The following PALD1 variants were observed in gnomAD, a reference collection of about 807,000 sequenced individuals.
The protein encoded by PALD1 is phosphatase domain containing paladin 1.
Under a neutral mutation model 96.0 loss-of-function variants are expected in PALD1, and 57 were observed. The ratio of observed to expected loss-of-function variants is 0.59; its 90% CI spans 0.48 to 0.74. The LOEUF is 0.74. Ranked by LOEUF, PALD1 falls within the 30% of genes least tolerant of loss-of-function variation. The pLI, the probability that PALD1 is intolerant of heterozygous loss-of-function variation, is 0.00. For missense variants in PALD1, 1,063 were observed against 1,143.7 expected, an observed-to-expected ratio of 0.93 and a Z score of 1.02; for synonymous variants, 464 against 473.6, an observed-to-expected ratio of 0.98 and a Z score of 0.26.
At chr10:70,512,237 T>C (rs1846529709) in intron 1 of PALD1, among the ~76,000 whole-genome samples, 1 of 152,220 alleles carries the variant, frequency 6.6e-6, no homozygotes, top group South Asian at 2.1e-4. Flanking sequence ...CAGTCTTGGC[T>C]CTGGGCAGCT....
the PALD1 span, among the ~76,000 whole-genome samples, chr10:70,461,464 T>A: frequency 6.6e-6 from 1 of 152,350 alleles, no homozygotes; most frequent in South Asian, 2.1e-4. Context: ...GCTCTGCCTC[T>A]CCCGTGCCTA....
chr10:70,508,817 GTGCAGGCCTGTGGGAGCTGCGGAACC>G (rs1249641532), intron 1 of PALD1, among the ~76,000 whole-genome samples: 29 of 121,610 alleles, frequency 2.4e-4, no homozygotes, highest in South Asian at 7.8e-4. Context: ...GTGTGTGTGT[GTGCAGGCCTGTGGGAGCTGCGGAACC>G]TGTGTGTGTG....
intron 1 of PALD1, chr10:70,485,236 C>T (rs1845999655): frequency 1.3e-5 from 2 of 150,936 alleles, no homozygotes; most frequent in African/African-American, 4.9e-5. Flanking sequence ...CTTTAAAATT[C>T]TTCCTAGAAA....
intron 2 of PALD1, among the ~76,000 whole-genome samples, chr10:70,527,359 G>A (rs1177673166): frequency 6.6e-6 from 1 of 152,184 alleles, no homozygotes; most frequent in Non-Finnish European, 1.5e-5. Context: ...GCACTTTTTG[G>A]GGGTGTAGAA....
intron 8 of PALD1, 150 bp from the exon 9 acceptor site, chr10:70,534,275 T>G: frequency 1.3e-6 from 1 of 750,096 alleles, no homozygotes; most frequent in East Asian, 2.7e-5. Flanking sequence ...GTTTCCCTAG[T>G]TGGGGAAATG....
chr10:70,462,526 T>G, the PALD1 span, among the ~76,000 whole-genome samples: 1 of 152,236 alleles, frequency 6.6e-6, no homozygotes, highest in African/African-American at 2.4e-5. Context: ...AAGTCCAGTC[T>G]CAGCTGGGGA....
At chr10:70,530,914 C>A (rs1165951290) in intron 4 of PALD1, among the ~76,000 whole-genome samples, 1 of 152,126 alleles carries the variant, frequency 6.6e-6, no homozygotes, top group Non-Finnish European at 1.5e-5. Flanking sequence ...ATCCAGGACA[C>A]CATGCTAGGA....
chr10:70,534,941 T>C (rs1052389004), intron 10 of PALD1, 98 bp downstream of exon 10: 7 of 821,574 alleles, frequency 8.5e-6, no homozygotes, highest in Non-Finnish European at 1.0e-5. Context: ...GACTGACTTT[T>C]TCTGGCTGCT....
intron 1 of PALD1, among the ~76,000 whole-genome samples, chr10:70,509,512 G>A (rs1207430257): frequency 6.6e-6 from 1 of 152,226 alleles, no homozygotes; most frequent in East Asian, 1.9e-4. Context: ...GACCCAGAGT[G>A]GGGAGGTGAG....
chr10:70,539,635 G>A lies in PALD1; in HGVS notation c.1781G>A (p.Gly594Asp), dbSNP rs373030834. 30 of 1,613,398 alleles carry A rather than the reference G, an allele frequency of 1.9e-5. No homozygotes were observed. In the African/African-American group the frequency reaches 3.7e-4, roughly 20 times the overall value. ...HLSEPPPGKE[G>D]PLTYRFQTCL... ...AGCGAGCCTCCCCCAGGCAAGGAGG[G>A]CCCCCTGACCTACAGGTTCCAGACC... is the stretch of plus-strand genomic sequence containing the variant. The change falls in exon 15 of 20, where the codon GGC (glycine) becomes GAC (aspartate). Residue 594 changes from glycine to aspartate, a missense_variant. Physicochemically the swap from Gly to Asp is moderately conservative, Grantham distance 94 (BLOSUM62 -1). Transcript: ENST00000263563. This position sits in a 1 kb window ranked among gnomAD's most constrained non-coding sequence, Gnocchi z 4.5.
intron 10 of PALD1, among the ~76,000 whole-genome samples, chr10:70,535,219 A>G (rs1051932326): frequency 2.0e-5 from 3 of 152,230 alleles, no homozygotes; most frequent in African/African-American, 7.2e-5. Context: ...TGCTTCTGAA[A>G]GACTTATGGG....
rs1292794990 is a variant in PALD1, at chr10:70,526,087, A to G, written c.136A>G (p.Ser46Gly). 2 of 1,614,066 alleles carry G rather than the reference A, an allele frequency of 1.2e-6. No individual in the cohort carries two copies. Among genetic ancestry groups the G allele is most frequent in the African/African-American group, 2.7e-5 (2 of 74,930 alleles). The change falls in exon 2 of 20, where the codon AGC (serine) becomes GGC (glycine). Residue 46 changes from serine to glycine, a missense_variant. Transcript: ENST00000263563. Reference protein sequence around the residue: ...HSFQSTSLHNSKAKSIIPNKV... With the variant: ...HSFQSTSLHNGKAKSIIPNKV... The stretch of plus-strand genomic sequence containing the variant: ...CTTCCAGAGCACTAGCTTGCATAAC[A>G]GCAAGGCCAAGTCCATCATCCCCAA...
At chr10:70,479,349 G>C (rs1845889023) in intron 1 of PALD1, among the ~76,000 whole-genome samples, 1 of 152,198 alleles carries the variant, frequency 6.6e-6, no homozygotes, top group African/African-American at 2.4e-5. Context: ...TTCATTGCCA[G>C]ACCTGGGAGC....
At chr10:70,550,791 T>C (rs907020941) in intron 18 of PALD1, among the ~76,000 whole-genome samples, 1 of 152,252 alleles carries the variant, frequency 6.6e-6, no homozygotes, top group Non-Finnish European at 1.5e-5. Context: ...TGTTGTAGCA[T>C]GTATTATTAC....
intron 1 of PALD1, among the ~76,000 whole-genome samples, chr10:70,491,481 T>C (rs983746366): frequency 6.6e-6 from 1 of 152,122 alleles, no homozygotes; most frequent in Non-Finnish European, 1.5e-5. Flanking sequence ...TCATTTGGCC[T>C]TCATGGAGAA....
chr10:70,531,296 G>A lies in PALD1; in HGVS notation c.475G>A (p.Val159Ile). Residue 159 changes from valine (V) to isoleucine (I), a missense_variant, in exon 5 of 20, where the codon GTC (valine) becomes ATC (isoleucine). Physicochemically the swap from Val to Ile is conservative, Grantham distance 29. Transcript: ENST00000263563. The stretch of plus-strand genomic sequence containing the variant: ...CCCCTCGGGCTCCTGGCAGGAGTGT[G>A]TCATCTTCTGTGTGCGGGAGGAACC... The part of the protein sequence containing the change: ...KLQKDGHREC[V>I]IFCVREEPVL... 1 of 1,612,338 alleles carries A rather than the reference G, an allele frequency of 6.2e-7. No individual in the cohort carries two copies. The highest frequency in any genetic ancestry group is 1.1e-5 in the South Asian group (1 of 91,014).
In PALD1 at chr10:70,539,727, A is replaced by G. The variant is rs1392524879; in HGVS notation, c.1873A>G (p.Ile625Val). Reference protein sequence around the residue: ...RACPGLTYHRIPMPDFCAPRE... With the variant: ...RACPGLTYHRVPMPDFCAPRE... The stretch of plus-strand genomic sequence containing the variant: ...CTGTCCTGGCCTCACCTACCACCGC[A>G]TCCCCATGCCGGACTTCTGTGCCCC... Residue 625 changes from isoleucine (I) to valine (V), a missense_variant, in exon 15 of 20, where the codon ATC (isoleucine) becomes GTC (valine). Ile to Val is a conservative substitution (Grantham distance 29). Transcript: ENST00000263563. This position sits in a 1 kb window ranked among gnomAD's most constrained non-coding sequence, Gnocchi z 4.5. 6.2e-7 allele frequency: 1 copy of G among 1,612,302 alleles called. No individual in the cohort carries two copies. The highest frequency in any genetic ancestry group is 8.5e-7 in the Non-Finnish European group (1 of 1,179,438).
At chr10:70,509,463 G>T (rs1349994574) in intron 1 of PALD1, among the ~76,000 whole-genome samples, 1 of 152,248 alleles carries the variant, frequency 6.6e-6, no homozygotes, top group Non-Finnish European at 1.5e-5. Context: ...ATTGTGGGCT[G>T]AATCCTGTTA....
chr10:70,536,233 C>T (rs987760914), intron 10 of PALD1, among the ~76,000 whole-genome samples: 3 of 152,046 alleles, frequency 2.0e-5, no homozygotes, highest in African/African-American at 7.2e-5. Context: ...CCCAGGAGTT[C>T]CAGGCTGCAG....
Sources: allele counts gnomAD v4.1 joint callset (sites outside exome capture counted in the v4.1 genomes callset), GRCh38; gene constraint gnomAD v4.1.1; non-coding constraint Gnocchi (gnomAD v3.1); transcripts MANE v1.5; gene names NCBI Gene and HGNC (gene_info 2026-07-23, HGNC 2026-07-21).